Variants in FASTKD5 observed in about 807,000 individuals in gnomAD.
The protein encoded by FASTKD5 is FAST kinase domains 5.
In FASTKD5, 30 loss-of-function variants were observed where a neutral mutation model predicts 44.0. The ratio of observed to expected loss-of-function variants is 0.68; its 90% CI spans 0.51 to 0.93. The LOEUF is 0.93. FASTKD5 is among the 40% of genes least tolerant of loss of function. FASTKD5 has a pLI of 0.00. For synonymous variants in FASTKD5, 335 were observed against 342.2 expected, an observed-to-expected ratio of 0.98 and a Z score of 0.23; for missense variants, 868 against 908.2, an observed-to-expected ratio of 0.96 and a Z score of 0.57.
rs2066565094 is a variant in FASTKD5 at position 3,146,568 on chromosome 20, CAT to C, written c.*206_*207del. 1.8e-6 allele frequency: 1 copy of C among 567,756 alleles called. No homozygotes were observed. The highest frequency in any genetic ancestry group is 3.1e-6 in the Non-Finnish European group (1 of 324,134). The allele number at this position is 567,756 out of a possible 1,614,324, so 35.2% of individuals were successfully genotyped here. A position where few individuals can be genotyped will look rare whatever the true frequency, so the allele number is the denominator to read the frequency against. ...GATGTTTATTATTTACTAAGAGTAA[CAT>C]GTATACATTTGCAGTAATTTGTACA... On this transcript the variant is annotated 3_prime_UTR_variant, in exon 2 of 2. Coordinates refer to ENST00000380266, the MANE Select transcript of FASTKD5 (RefSeq NM_021826.5).
intron 1 of FASTKD5, among the ~76,000 whole-genome samples, chr20:3,154,676 A>AAAAT (rs2066666207): frequency 6.6e-6 from 1 of 152,330 alleles, no homozygotes; most frequent in Admixed American, 6.5e-5. Flanking sequence ...CCTATCTCAA[A>AAAAT]AAATAAATAA....
intron 1 of FASTKD5, among the ~76,000 whole-genome samples, chr20:3,158,623 C>T (rs1041349992): frequency 6.6e-6 from 1 of 152,152 alleles, no homozygotes; most frequent in Admixed American, 6.5e-5. Flanking sequence ...TACAGGCGCC[C>T]GCCACCACGC....
At position 3,149,450 on chromosome 20, in the gene FASTKD5, C is replaced by T. The variant is rs2066602693; in HGVS notation, c.-190-190G>A. 6.6e-6 allele frequency among the ~76,000 whole-genome samples: 1 copy of T among 152,022 alleles called. No individual in the cohort carries two copies. Among genetic ancestry groups the T allele is most frequent in the Admixed American group, 6.6e-5 (1 of 15,246 alleles). On this transcript the variant is annotated intron_variant, in intron 1 of 1. Coordinates refer to ENST00000380266, the MANE Select transcript of FASTKD5 (RefSeq NM_021826.5). The surrounding 1 kb of genome is among the most constrained non-coding windows in gnomAD (Gnocchi z 4.1). ...GGTCTGTGTAAAGGCCTAGGAAAAC[C>T]CCCAACCCAGGGTACCCGTGGGCAG...
At position 3,147,503 on chromosome 20, in the gene FASTKD5, A is replaced by G. The variant is rs766843458; in HGVS notation, c.1568T>C (p.Ile523Thr). 17 of 1,614,112 alleles carry G rather than the reference A, an allele frequency of 1.1e-5. No homozygotes were observed. Among genetic ancestry groups the G allele is most frequent in the Non-Finnish European group, 1.3e-5 (15 of 1,180,048 alleles). Residue 523 changes from isoleucine (I) to threonine (T), a missense_variant, in exon 2 of 2, where the codon ATT becomes ACT. Transcript: ENST00000380266. ...ATTGCCTCTGTAATCTGGACACTCA[A>G]TGCCAACTGTACCATCGAGGGTATA... ...ELYTLDGTVG[I>T]ECPDYRGNRL...
chr20:3,147,012 C>T lies in FASTKD5; in HGVS notation c.2059G>A (p.Ala687Thr), dbSNP rs371032615. ...ATTCTTGGGGTCTGCATGCAGGCTG[C>T]GGGGCACAGGCCAGCCATCTCCATG... ...GAMEMAGLCP[A>T]ACMQTPRMKL... The change falls in exon 2 of 2, where the codon GCA (alanine) becomes ACA (threonine). Residue 687 changes from alanine to threonine, a missense_variant. By Grantham distance (58) the Ala-to-Thr change is moderately conservative. Coordinates refer to ENST00000380266, the MANE Select transcript of FASTKD5 (RefSeq NM_021826.5). 9 of 1,614,030 alleles carry T rather than the reference C, an allele frequency of 5.6e-6. No individual in the cohort carries two copies. The highest frequency in any genetic ancestry group is 1.1e-5 in the South Asian group (1 of 91,086).
At position 3,146,877 on chromosome 20, in the gene FASTKD5, C is replaced by A. The variant is rs2066568716; in HGVS notation, c.2194G>T (p.Val732Leu). ...RRQLARLGYRVVELSYWEWLP... is the reference protein window; with the variant it reads ...RRQLARLGYRLVELSYWEWLP... ...CATTCCCAGTAGGATAACTCTACCA[C>A]ACGGTAGCCAAGCCGAGCCAGCTGC... The change falls in exon 2 of 2, where the codon GTG (valine) becomes TTG (leucine). Residue 732 changes from valine to leucine, a missense_variant. Physicochemically the swap from Val to Leu is conservative, Grantham distance 32. Transcript: ENST00000380266. 3 of 1,614,200 alleles carry A rather than the reference C, an allele frequency of 1.9e-6. No individual in the cohort carries two copies. Among genetic ancestry groups the A allele is most frequent in the Non-Finnish European group, 1.7e-6 (2 of 1,180,038 alleles).
intron 1 of FASTKD5, chr20:3,150,842 T>A (rs2422858): frequency 3.3e-5 from 5 of 152,210 alleles, no homozygotes; most frequent in African/African-American, 7.2e-5. Context: ...TTCTCTCACA[T>A]TAAATTTTTA....
intron 1 of FASTKD5, among the ~76,000 whole-genome samples, chr20:3,154,364 A>T (rs1034460833): frequency 6.6e-5 from 10 of 152,250 alleles, no homozygotes; most frequent in Admixed American, 2.0e-4. Flanking sequence ...GCCAGGGAAG[A>T]CAAAAAAGTT....
rs1390165349 is a variant in FASTKD5, at chr20:3,147,911, G to C, written c.1160C>G (p.Ser387Cys). 4 of 1,614,212 alleles carry C rather than the reference G, an allele frequency of 2.5e-6. No homozygotes were observed. The highest frequency in any genetic ancestry group is 3.4e-6 in the Non-Finnish European group (4 of 1,180,034). Reference sequence around the variant, plus strand: ...GTGCATGACACCTTGAACTCCCAGGGAAGGAATTCGCTGAGGAGCTATCTC... The same window carrying C: ...GTGCATGACACCTTGAACTCCCAGGCAAGGAATTCGCTGAGGAGCTATCTC... ...IGEIAPQRIP[S>C]LGVQGVMHLT... The change falls in exon 2 of 2, where the codon TCC (serine) becomes TGC (cysteine). Residue 387 changes from serine to cysteine, a missense_variant. Coordinates refer to ENST00000380266, the MANE Select transcript of FASTKD5 (RefSeq NM_021826.5).
rs1266267981 is a variant in FASTKD5, at chr20:3,148,578, C to T, written c.493G>A (p.Asp165Asn). The change falls in exon 2 of 2, where the codon GAT (aspartate) becomes AAT (asparagine). Residue 165 changes from aspartate to asparagine, a missense_variant. Physicochemically the swap from Asp to Asn is conservative, Grantham distance 23. Coordinates refer to ENST00000380266, the MANE Select transcript of FASTKD5 (RefSeq NM_021826.5). ...AAAGAGCTCAGCTTACACAAATAAT[C>T]AACAATGACTTGAGCCTGGAGATTA... ...QNNLQAQVIV[D>N]YLCKLSSLPA... 1 of 1,614,126 alleles carries T rather than the reference C, an allele frequency of 6.2e-7. No homozygotes were observed. The highest frequency in any genetic ancestry group is 1.7e-5 in the Admixed American group (1 of 60,036).
At chr20:3,150,518 T>G (rs1450791633) in intron 1 of FASTKD5, 1 of 152,230 alleles carries the variant, frequency 6.6e-6, no homozygotes, top group African/African-American at 2.4e-5. Flanking sequence ...TAATGCTTAT[T>G]CTTTTTCTTT....
At chr20:3,158,018 G>A (rs990083995) in intron 1 of FASTKD5, among the ~76,000 whole-genome samples, 2 of 151,916 alleles carry the variant, frequency 1.3e-5, no homozygotes, top group Non-Finnish European at 2.9e-5. Flanking sequence ...GCAACCTCCC[G>A]GGCGAGGATC....
rs1253049149 is a variant in FASTKD5, at chr20:3,148,506, G to A, written c.565C>T (p.Leu189=). The A allele has an allele frequency of 1.9e-6, 3 of 1,614,050 alleles. No individual in the cohort carries two copies. Among genetic ancestry groups the A allele is most frequent in the African/African-American group, 1.3e-5 (1 of 74,944 alleles). The part of the protein sequence containing the change: ...PVLLGSTSFA[L]LCQLSVKKIQ... ...TTCTTCACACTCAGCTGGCAGAGCA[G>A]AGCAAAGCTGGTACTGCCCAGCAAG... The change falls in exon 2 of 2, where the codon CTG becomes TTG. Residue 189 remains leucine, a synonymous_variant. Transcript: ENST00000380266.
At chr20:3,157,607 A>G (rs1018037139) in intron 1 of FASTKD5, among the ~76,000 whole-genome samples, 2 of 152,212 alleles carry the variant, frequency 1.3e-5, no homozygotes, top group African/African-American at 4.8e-5. Flanking sequence ...AAAGGGTTTC[A>G]TAAAACCCTG....
rs766789581 is a variant in FASTKD5, at chr20:3,148,724, C to T, written c.347G>A (p.Arg116Gln). The T allele has an allele frequency of 6.2e-6, 10 of 1,614,064 alleles. No homozygotes were observed. The highest frequency in any genetic ancestry group is 3.3e-5 in the South Asian group (3 of 91,090). Residue 116 changes from arginine to glutamine, a missense_variant, in exon 2 of 2, where the codon CGA becomes CAA. Coordinates refer to ENST00000380266, the MANE Select transcript of FASTKD5 (RefSeq NM_021826.5). ...VEVFDSFENM[R>Q]VFLQLRPEYR... ...TTCTGGTCTTAGCTGTAGGAAAACTCGCATGTTTTCAAAGGAATCAAACAC... is the reference window on the plus strand; with the variant it reads ...TTCTGGTCTTAGCTGTAGGAAAACTTGCATGTTTTCAAAGGAATCAAACAC...
At chr20:3,159,629 GCCAAGAGCTGAACAAGGCCTCGATGCGCT>G (rs1265124626) in intron 1 of FASTKD5, 108 bp downstream of exon 1, 1 of 152,334 alleles carries the variant, frequency 6.6e-6, no homozygotes, top group Non-Finnish European at 1.5e-5. Context: ...GGCAACCCAG[GCCAAGAGCTGAACAAGGCCTCGATGCGCT>G]CCAGCTCTGG....
intron 1 of FASTKD5, among the ~76,000 whole-genome samples, chr20:3,155,675 T>C (rs1036305458): frequency 6.6e-6 from 1 of 152,260 alleles, no homozygotes; most frequent in African/African-American, 2.4e-5. Flanking sequence ...TATTATGGTA[T>C]TGTTCAAGAT....
intron 1 of FASTKD5, among the ~76,000 whole-genome samples, chr20:3,151,084 G>A (rs2066619593): frequency 6.6e-6 from 1 of 152,078 alleles, no homozygotes; most frequent in Non-Finnish European, 1.5e-5. Flanking sequence ...GTGTGTGTGT[G>A]TGGAGATGGA....
chr20:3,151,068 T>TTGTGTG (rs142154039), intron 1 of FASTKD5, among the ~76,000 whole-genome samples: 3 of 149,360 alleles, frequency 2.0e-5, no homozygotes, highest in African/African-American at 4.9e-5. Flanking sequence ...GTGTGTGTGT[T>TTGTGTG]TGTGTGTGTG....
Sources: allele counts gnomAD v4.1 joint callset (sites outside exome capture counted in the v4.1 genomes callset), GRCh38; gene constraint gnomAD v4.1.1; non-coding constraint Gnocchi (gnomAD v3.1); transcripts MANE v1.5; gene names NCBI Gene and HGNC (gene_info 2026-07-23, HGNC 2026-07-21).